Variants in CFP observed in about 807,000 individuals in gnomAD.
CFP encodes properdin.
Under a neutral mutation model 42.1 loss-of-function variants are expected in CFP, and 14 were observed. That is an observed-to-expected ratio of 0.33 (90% CI 0.22 to 0.52). The LOEUF is 0.52. Ranked by LOEUF, CFP falls within the 20% of genes least tolerant of loss-of-function variation. The pLI, the probability that CFP is intolerant of heterozygous loss-of-function variation, is 0.96. For synonymous variants in CFP, 149 were observed against 160.6 expected, an observed-to-expected ratio of 0.93 and a Z score of 0.54; for missense variants, 318 against 400.4, an observed-to-expected ratio of 0.79 and a Z score of 1.76.
At position 47,626,629 on chromosome X, in the gene CFP, T is replaced by TG. The variant is rs778070027; in HGVS notation, c.941-111dup. On this transcript the variant is annotated intron_variant, in intron 6 of 8. Transcript: ENST00000396992. ...GAGTAGAGGTGATCAGATGTGTGAA[T>TG]GGGGGACCAGGGGTGGAAACAAGGT... 8 of 1,033,748 alleles carry TG rather than the reference T, an allele frequency of 7.7e-6. No individual in the cohort carries two copies. The South Asian group carries it at 1.2e-4, about 16-fold the overall frequency. The allele number at this position is 1,033,748 out of a possible 1,213,427, so 85.2% of individuals were successfully genotyped here. A position where few individuals can be genotyped will look rare whatever the true frequency, so the allele number is the denominator to read the frequency against.
chrX:47,624,048 G>A lies in CFP; in HGVS notation c.*227C>T, dbSNP rs1569334859. The A allele has an allele frequency of 2.3e-6, 1 of 425,811 alleles. No homozygotes were observed. Among genetic ancestry groups the A allele is most frequent in the East Asian group, 4.1e-5 (1 of 24,445 alleles). 35.1% of individuals were successfully genotyped at this position (425,811 alleles called of 1,213,427 possible). ...GGGGAGAGGCTGGGACTGCACACTC[G>A]CTTTCACTCCTGCCAACCTGCGACC... On this transcript the variant is annotated 3_prime_UTR_variant, in exon 9 of 9. Coordinates refer to ENST00000396992, the MANE Select transcript of CFP (RefSeq NM_001145252.3).
At chrX:47,628,061 G>A in intron 3 of CFP, 41 bp downstream of exon 3, 1 of 1,201,359 alleles carries the variant, frequency 8.3e-7, no homozygotes, top group South Asian at 1.8e-5. Flanking sequence ...ACCAGTGCTG[G>A]GTGACAGGGA....
Position 47,624,261 on chromosome X carries a change from G to T in CFP, c.*14C>A, listed in dbSNP as rs754834825. 3 of 1,209,524 alleles carry T rather than the reference G, an allele frequency of 2.5e-6. No homozygotes were observed. Among genetic ancestry groups the T allele is most frequent in the Non-Finnish European group, 3.4e-6 (3 of 893,619 alleles). ...TTTGGAAGGTCAGGGGGCTCAGAGT[G>T]GAGGAGAGAAGTGTTAGAGTTCCTC... is the stretch of plus-strand genomic sequence containing the variant. On this transcript the variant is annotated 3_prime_UTR_variant, in exon 9 of 9. Transcript: ENST00000396992.
chrX:47,627,233 G>T lies in CFP; in HGVS notation c.674C>A (p.Ser225Tyr). 8.3e-7 allele frequency: 1 copy of T among 1,211,582 alleles called. No homozygotes were observed. The highest frequency in any genetic ancestry group is 1.1e-6 in the Non-Finnish European group (1 of 895,216). ...EPKETRSRKC[S>Y]APEPSQKPPG... ...AGGTTTCTGGGAGGGCTCAGGTGCA[G>T]AACACTTGCGGCTTCGTGTCTCCTT... Residue 225 changes from serine (S) to tyrosine (Y), a missense_variant, in exon 5 of 9, where the codon TCT (serine) becomes TAT (tyrosine). Transcript: ENST00000396992.
chrX:47,630,270 G>A (rs1040490060), upstream of CFP: 1 of 183,299 alleles, frequency 5.5e-6, no homozygotes, highest in African/African-American at 3.0e-5. Context: ...ACCTCGTGGG[G>A]GTGTTGAACC....
rs8177084 is a variant in CFP at position 47,624,080 on chromosome X, G to A, written c.*195C>T. ...CTCCTGCCAACCTGCGACCACAGTG[G>A]AAAATACTGTTTTCCGCAACAGGCT... On this transcript the variant is annotated 3_prime_UTR_variant, in exon 9 of 9. Transcript: ENST00000396992. 26,102 of 464,375 alleles carry A rather than the reference G, an allele frequency of 0.056. 636 individuals are homozygous for A. The highest frequency in any genetic ancestry group is 0.11 in the Middle Eastern group (191 of 1,708). 38.3% of individuals were successfully genotyped at this position (464,375 alleles called of 1,213,427 possible). A position where few individuals can be genotyped will look rare whatever the true frequency, so the allele number is the denominator to read the frequency against.
At position 47,624,171 on chromosome X, in the gene CFP, G is replaced by T; in HGVS notation, c.*104C>A. 1 of 908,186 alleles carries T rather than the reference G, an allele frequency of 1.1e-6. No homozygotes were observed. Among genetic ancestry groups the T allele is most frequent in the Non-Finnish European group, 1.6e-6 (1 of 620,590 alleles). 74.8% of individuals were successfully genotyped at this position (908,186 alleles called of 1,213,427 possible). ...TGCTATCACCCTACTTTTGGGGAAG[G>T]GGATAGGTTGTTTTTCCTCCTTTAA... On this transcript the variant is annotated 3_prime_UTR_variant, in exon 9 of 9. Coordinates refer to ENST00000396992, the MANE Select transcript of CFP (RefSeq NM_001145252.3).
At chrX:47,628,716 G>A (rs1423243577) in intron 2 of CFP, 1 of 268,043 alleles carries the variant, frequency 3.7e-6, no homozygotes, top group Admixed American at 4.8e-5. Flanking sequence ...ATAGCCCTAG[G>A]TATGCTGTTC....
chrX:47,628,604 G>A lies in CFP; in HGVS notation c.228-327C>T, dbSNP rs8177071. 2,055 of 415,331 alleles carry A rather than the reference G, an allele frequency of 4.9e-3. 29 individuals carry two copies. The highest frequency in any genetic ancestry group is 0.045 in the African/African-American group (1,835 of 40,692). The allele number at this position is 415,331 out of a possible 1,213,427, so 34.2% of individuals were successfully genotyped here. Reference sequence around the variant, plus strand: ...AACCCACCAGATCACCACACTACACGGTAGTAGGTAAATAGAAAGTGCTTA... The same window carrying A: ...AACCCACCAGATCACCACACTACACAGTAGTAGGTAAATAGAAAGTGCTTA... On this transcript the variant is annotated intron_variant, in intron 2 of 8. Transcript: ENST00000396992.
In CFP at chrX:47,624,234, G is replaced by C; in HGVS notation, c.*41C>G. The stretch of plus-strand genomic sequence containing the variant: ...GAACTCGAAGAGGCTAGTTTATTGA[G>C]GTTTGGAAGGTCAGGGGGCTCAGAG... On this transcript the variant is annotated 3_prime_UTR_variant, in exon 9 of 9. Transcript: ENST00000396992. The C allele has an allele frequency of 7.5e-6, 9 of 1,196,453 alleles. No homozygotes were observed. The highest frequency in any genetic ancestry group is 3.5e-5 in the South Asian group (2 of 56,630).
Position 47,629,495 on chromosome X carries a change from C to G in CFP, c.227+29G>C, listed in dbSNP as rs531999103. On this transcript the variant is annotated intron_variant, in intron 2 of 8. Coordinates refer to ENST00000396992, the MANE Select transcript of CFP (RefSeq NM_001145252.3). Reference sequence around the variant, plus strand: ...CCCCACAGACAGTCCTTCCCTCCCCCCCATCCCCCACCCCAGGCTCCCCCT... The same window carrying G: ...CCCCACAGACAGTCCTTCCCTCCCCGCCATCCCCCACCCCAGGCTCCCCCT... The G allele has an allele frequency of 2.5e-5, 19 of 748,480 alleles. No homozygotes were observed. In the South Asian group the frequency reaches 3.3e-4, roughly 13 times the overall value. 61.7% of individuals were successfully genotyped at this position (748,480 alleles called of 1,213,427 possible). A position where few individuals can be genotyped will look rare whatever the true frequency, so the allele number is the denominator to read the frequency against.
intron 6 of CFP, 73 bp downstream of exon 6, chrX:47,626,700 G>C: frequency 1.8e-6 from 2 of 1,128,883 alleles, no homozygotes; most frequent in Non-Finnish European, 2.4e-6. Flanking sequence ...CAAGGCCTCA[G>C]CAGCAGGAGC....
At chrX:47,629,367 T>G in intron 2 of CFP, 157 bp downstream of exon 2, 1 of 448,172 alleles carries the variant, frequency 2.2e-6, no homozygotes, top group Non-Finnish European at 3.8e-6. Context: ...GCCCCAAATG[T>G]CAATAGTAAC....
chrX:47,629,960 C>T, upstream of CFP: 1 of 801,020 alleles, frequency 1.2e-6, no homozygotes, highest in Non-Finnish European at 1.8e-6. Context: ...ACTGGGAGGG[C>T]ATCCTGCTTT....
rs1223823897 is a variant in CFP, at chrX:47,626,100, C to T, written c.1202G>A (p.Arg401His). The change falls in exon 8 of 9, where the codon CGT (arginine) becomes CAT (histidine). Residue 401 changes from arginine (R) to histidine (H), a missense_variant. Physicochemically the swap from Arg to His is conservative, Grantham distance 29 (BLOSUM62 0). Coordinates refer to ENST00000396992, the MANE Select transcript of CFP (RefSeq NM_001145252.3). ...CMPPCGPNPT[R>H]ARQRLCTPLL... ...GGGTGTGCAGAGGCGCTGGCGGGCA[C>T]GGGTAGGATTAGGTCCACAGGGGGG... 1 of 1,179,564 alleles carries T rather than the reference C, an allele frequency of 8.5e-7. No homozygotes were observed.
Position 47,629,677 on chromosome X carries a change from G to A in CFP, c.77-3C>T, listed in dbSNP as rs918926806. 1.3e-4 allele frequency: 83 copies of A among 639,906 alleles called. No individual in the cohort carries two copies. Among genetic ancestry groups the A allele is most frequent in the Non-Finnish European group, 1.8e-4 (78 of 437,676 alleles). 52.7% of individuals were successfully genotyped at this position (639,906 alleles called of 1,213,427 possible). On this transcript the variant is annotated splice_polypyrimidine_tract_variant and splice_region_variant and intron_variant, in intron 1 of 8. Coordinates refer to ENST00000396992, the MANE Select transcript of CFP (RefSeq NM_001145252.3). Reference sequence around the variant, plus strand: ...GAAGCAGAGCACGGGGTCTGAGCCTGTAACAGGGCCAGGGGATGGGTGGGT... The same window carrying A: ...GAAGCAGAGCACGGGGTCTGAGCCTATAACAGGGCCAGGGGATGGGTGGGT...
rs759649291 is a variant in CFP, at chrX:47,627,514, C to G, written c.531G>C (p.Gln177His). 3.6e-5 allele frequency: 44 copies of G among 1,211,425 alleles called. No individual in the cohort carries two copies. Among genetic ancestry groups the G allele is most frequent in the Non-Finnish European group, 4.9e-5 (44 of 895,219 alleles). The part of the protein sequence containing the change: ...APKCGGHCPG[Q>H]AQESEACDTQ... ...TGTCACAGGCCTCTGATTCCTGTGC[C>G]TGTCCTGGGCAGTGGCCCCCACACT... Residue 177 changes from glutamine (Q) to histidine (H), a missense_variant, in exon 4 of 9, where the codon CAG (glutamine) becomes CAC (histidine). By Grantham distance (24) the Gln-to-His change is conservative (BLOSUM62 0). Transcript: ENST00000396992.
intron 2 of CFP, chrX:47,628,900 G>A (rs1026528681): frequency 1.2e-5 from 2 of 161,219 alleles, no homozygotes; most frequent in African/African-American, 6.1e-5. Flanking sequence ...ATGATCAGGA[G>A]ACTAGAGCTA....
chrX:47,628,634 A>G, intron 2 of CFP: 1 of 361,587 alleles, frequency 2.8e-6, no homozygotes, highest in Non-Finnish European at 5.2e-6. Flanking sequence ...TGCTTAATAA[A>G]CCTGAGCCAT....
Sources: gnomAD v4.1 joint callset for allele counts on GRCh38, gnomAD v4.1.1 for gene constraint, MANE v1.5 for transcripts, NCBI Gene and HGNC (gene_info 2026-07-23, HGNC 2026-07-21) for gene names.